GSG1L: variants seen among roughly 807,000 people sequenced by gnomAD.
GSG1L encodes GSG1 like.
Under a neutral mutation model 42.1 loss-of-function variants are expected in GSG1L, and 24 were observed. The ratio of observed to expected loss-of-function variants is 0.57; its 90% CI spans 0.41 to 0.80. GSG1L has a LOEUF of 0.80. Among genes scored for constraint, GSG1L ranks in the 30% least tolerant of loss-of-function variants. The pLI is 0.00. For missense variants in GSG1L, 445 were observed against 472.2 expected (o/e 0.94, Z 0.53); for synonymous variants, 215 against 203.5 (o/e 1.06, Z -0.48).
rs1459967751 is a variant in GSG1L at position 27,868,456 on chromosome 16, CA to C, written c.550+16029del. ...CGTAAATACGGCAAGGCCATTCCTC[CA>C]AGGCTAATGAGGAGAGTGACATAAA... On this transcript the variant is annotated intron_variant, in intron 3 of 6. Coordinates refer to ENST00000447459, the MANE Select transcript of GSG1L (RefSeq NM_001109763.2). Among the ~76,000 whole-genome samples the C allele has an allele frequency of 7.2e-5, 11 of 152,348 alleles. No individual in the cohort carries two copies. The East Asian group carries it at 1.9e-3, about 27-fold the overall frequency.
intron 1 of GSG1L, among the ~76,000 whole-genome samples, chr16:27,979,698 G>GAAAGAGAGAGAGAGAGAGA (rs1567542882): frequency 5.9e-5 from 2 of 34,016 alleles, no homozygotes; most frequent in African/African-American, 3.0e-4. Flanking sequence ...AAGGAAGGAA[G>GAAAGAGAGAGAGAGAGAGA]GAAGGAAGGA....
intron 2 of GSG1L, among the ~76,000 whole-genome samples, chr16:27,959,673 C>T (rs1448466813): frequency 6.6e-6 from 1 of 152,088 alleles, no homozygotes; most frequent in Non-Finnish European, 1.5e-5. Context: ...GTCCCAGCTA[C>T]TCGGAGCCTA....
intron 3 of GSG1L, among the ~76,000 whole-genome samples, chr16:27,858,146 A>C (rs1051723580): frequency 2.6e-5 from 4 of 151,764 alleles, no homozygotes; most frequent in Non-Finnish European, 5.9e-5. Context: ...CAACGCTGGG[A>C]CTCCATCCAA....
intron 3 of GSG1L, among the ~76,000 whole-genome samples, chr16:27,848,822 A>G (rs2083471646): frequency 6.6e-6 from 1 of 152,168 alleles, no homozygotes; most frequent in South Asian, 2.1e-4. Context: ...AGACTGGGGA[A>G]GAGCATTCCA....
Position 27,888,482 on chromosome 16 carries a change from CCTTT to C in GSG1L, c.398-3848_398-3845del, listed in dbSNP as rs57811717. On this transcript the variant is annotated intron_variant, in intron 2 of 6. Transcript: ENST00000447459. Reference sequence around the variant, plus strand: ...TTTCTTTCTCTCTCTCTCTCTCTTTCCTTTCTTTCTTTCTTTCTTTCTTTCTTTC... The same window carrying C: ...TTTCTTTCTCTCTCTCTCTCTCTTTCCTTTCTTTCTTTCTTTCTTTCTTTC... 5.0e-3 allele frequency among the ~76,000 whole-genome samples: 343 copies of C among 68,530 alleles called. 2 individuals are homozygous for C. The highest frequency in any genetic ancestry group is 0.012 in the Middle Eastern group (2 of 162). 45.0% of individuals were successfully genotyped at this position (68,530 alleles called of 152,430 possible).
intron 5 of GSG1L, among the ~76,000 whole-genome samples, chr16:27,823,589 C>T (rs954596734): frequency 6.6e-6 from 1 of 152,122 alleles, no homozygotes; most frequent in Admixed American, 6.5e-5. Context: ...CTCCAGAAAG[C>T]CCTCTCCCAC....
intron 2 of GSG1L, among the ~76,000 whole-genome samples, chr16:27,926,845 G>A (rs116295296): frequency 0.019 from 2,881 of 152,306 alleles, 88 homozygotes; most frequent in African/African-American, 0.065. Context: ...AGTGTCCACC[G>A]GGATAGAAGC....
At chr16:28,041,773 T>A (rs1567566547) in intron 1 of GSG1L, among the ~76,000 whole-genome samples, 1 of 152,242 alleles carries the variant, frequency 6.6e-6, no homozygotes, top group African/African-American at 2.4e-5. Context: ...CCAGCGTCAC[T>A]GCTGGTTGGC....
At chr16:27,814,503 G>A (rs2083071720) in intron 5 of GSG1L, among the ~76,000 whole-genome samples, 1 of 152,090 alleles carries the variant, frequency 6.6e-6, no homozygotes, top group Non-Finnish European at 1.5e-5. Flanking sequence ...GTGGCACAAA[G>A]TATTGTAAAT....
chr16:27,870,430 T>A (rs2083804813), intron 3 of GSG1L, among the ~76,000 whole-genome samples: 1 of 151,302 alleles, frequency 6.6e-6, no homozygotes, highest in African/African-American at 2.5e-5. Context: ...TCTCTGTCTG[T>A]CTCCATCCAT....
At chr16:27,988,576 T>A (rs2085414378) in intron 1 of GSG1L, among the ~76,000 whole-genome samples, 1 of 152,120 alleles carries the variant, frequency 6.6e-6, no homozygotes, top group South Asian at 2.1e-4. Context: ...ATCTGTGTGG[T>A]CCAAAGCTGA....
chr16:27,883,093 T>G (rs965928494), intron 3 of GSG1L, among the ~76,000 whole-genome samples: 2 of 131,858 alleles, frequency 1.5e-5, no homozygotes, highest in Admixed American at 8.4e-5. Context: ...CTCTCCAGCC[T>G]AGGCAACAAA....
intron 4 of GSG1L, among the ~76,000 whole-genome samples, chr16:27,832,697 A>C (rs932569566): frequency 6.6e-6 from 1 of 152,310 alleles, no homozygotes; most frequent in East Asian, 1.9e-4. Flanking sequence ...TTTAATTTGC[A>C]CTTCCGTAAC....
At chr16:27,909,500 C>T (rs887524431) in intron 2 of GSG1L, among the ~76,000 whole-genome samples, 1 of 151,266 alleles carries the variant, frequency 6.6e-6, no homozygotes, top group African/African-American at 2.4e-5. Context: ...AAGGGTCCCA[C>T]CTCAGCCTCT....
intron 3 of GSG1L, among the ~76,000 whole-genome samples, chr16:27,869,813 ATCTC>A (rs574282502): frequency 8.1e-5 from 3 of 36,876 alleles, no homozygotes; most frequent in Admixed American, 3.1e-4. Context: ...GTCTCCCTCC[ATCTC>A]TCTCTCTCTG....
At chr16:27,852,197 G>A (rs753288418) in intron 3 of GSG1L, among the ~76,000 whole-genome samples, 22 of 152,234 alleles carry the variant, frequency 1.4e-4, no homozygotes, top group Admixed American at 6.5e-4. Flanking sequence ...CTGGGCATGC[G>A]TGTCATGTCC....
chr16:28,016,859 A>C lies in GSG1L; in HGVS notation c.349+46217T>G, dbSNP rs143815155. The stretch of plus-strand genomic sequence containing the variant: ...CAAGGTCCATCATCAGAGCCCTGAG[A>C]GTCCTCTCACCTCCTTCCAAATCCG... On this transcript the variant is annotated intron_variant, in intron 1 of 6. Coordinates refer to ENST00000447459, the MANE Select transcript of GSG1L (RefSeq NM_001109763.2). Among the ~76,000 whole-genome samples the C allele has an allele frequency of 1.5e-3, 221 of 152,344 alleles. 2 individuals carry two copies. The highest frequency in any genetic ancestry group is 0.014 in the South Asian group (68 of 4,832).
At chr16:27,838,569 G>A (rs2083344916) in intron 4 of GSG1L, among the ~76,000 whole-genome samples, 1 of 152,170 alleles carries the variant, frequency 6.6e-6, no homozygotes, top group Admixed American at 6.5e-5. Flanking sequence ...GGAGCAGCAG[G>A]GGCAGAGGGA....
chr16:27,888,480 TTCC>T (rs1475374710), intron 2 of GSG1L, among the ~76,000 whole-genome samples: 2 of 22,766 alleles, frequency 8.8e-5, no homozygotes, highest in Admixed American at 6.8e-4. Context: ...CTCTCTCTCT[TTCC>T]TTTCTTTCTT....
Sources: allele counts gnomAD v4.1 joint callset (sites outside exome capture counted in the v4.1 genomes callset), GRCh38; gene constraint gnomAD v4.1.1; transcripts MANE v1.5; gene names NCBI Gene and HGNC (gene_info 2026-07-23, HGNC 2026-07-21).